ANGPTL1: variants seen among roughly 807,000 people sequenced by gnomAD.
ANGPTL1 encodes the protein angiopoietin-related protein 1.
Under a neutral mutation model 46.7 loss-of-function variants are expected in ANGPTL1, and 36 were observed. That is an observed-to-expected ratio of 0.77 (90% CI 0.59 to 1.02). The LOEUF (loss-of-function observed/expected upper bound fraction) is 1.02, where lower values mean the gene tolerates loss of function less well. ANGPTL1 is among the 50% of genes least tolerant of loss of function. ANGPTL1 has a pLI of 0.00. For synonymous variants in ANGPTL1, 221 were observed against 204.3 expected (o/e 1.08, Z -0.69); for missense variants, 571 against 594.7 (o/e 0.96, Z 0.41).
At chr1:178,863,255 G>A (rs1011629279) in intron 3 of ANGPTL1, among the ~76,000 whole-genome samples, 3 of 152,124 alleles carry the variant, frequency 2.0e-5, no homozygotes, top group East Asian at 3.8e-4. Flanking sequence ...GGGCAGCTGG[G>A]GAAGTATCAA....
rs202098083 is a variant in ANGPTL1, at chr1:178,852,817, C to G, written c.1154G>C (p.Ser385Thr). 1.2e-4 allele frequency: 189 copies of G among 1,613,824 alleles called. 2 individuals are homozygous for G. The highest frequency in any genetic ancestry group is 8.5e-4 in the South Asian group (77 of 91,078). The change falls in exon 5 of 6, where the codon AGC becomes ACC. Residue 385 changes from serine (S) to threonine (T), a missense_variant. Transcript: ENST00000234816. ...SDKKVYAEYSSFRLEPESEFY... is the reference protein window; with the variant it reads ...SDKKVYAEYSTFRLEPESEFY... ...TTCACTTTCAGGTTCCAGACGAAAG[C>G]TGCTGTATTCTGCATAGACTTTTTT...
rs796531797 is a variant in ANGPTL1, at chr1:178,849,957, G to A, written c.*1172C>T. The A allele has an allele frequency of 7.2e-5, 11 of 152,654 alleles. No homozygotes were observed. The highest frequency in any genetic ancestry group is 2.6e-4 in the African/African-American group (11 of 41,584). 9.5% of individuals were successfully genotyped at this position (152,654 alleles called of 1,614,324 possible). ...TAAGGCAAGGTCACCTCTAAGCAGT[G>A]AATATGTATTCCTGAAAGGAAATTG... On this transcript the variant is annotated 3_prime_UTR_variant, in exon 6 of 6. Coordinates refer to ENST00000234816, the MANE Select transcript of ANGPTL1 (RefSeq NM_004673.4).
chr1:178,853,485 G>T, intron 4 of ANGPTL1, 109 bp downstream of exon 4: 2 of 953,268 alleles, frequency 2.1e-6, no homozygotes, highest in Middle Eastern at 5.7e-4. Flanking sequence ...AAAACATATG[G>T]ATAGTTATTT....
At chr1:178,855,183 G>A (rs1299353649) in intron 3 of ANGPTL1, among the ~76,000 whole-genome samples, 1 of 151,924 alleles carries the variant, frequency 6.6e-6, no homozygotes, top group Non-Finnish European at 1.5e-5. Context: ...TATTCCTTTT[G>A]GGTCTTACTG....
intron 3 of ANGPTL1, among the ~76,000 whole-genome samples, chr1:178,856,986 A>G (rs1657630719): frequency 6.6e-6 from 1 of 152,176 alleles, no homozygotes; most frequent in Non-Finnish European, 1.5e-5. Flanking sequence ...CTGTTTTGCT[A>G]CCACTATTCT....
At position 178,865,265 on chromosome 1, in the gene ANGPTL1, C is replaced by A. The variant is rs752868417; in HGVS notation, c.512G>T (p.Arg171Ile). 6.2e-7 allele frequency: 1 copy of A among 1,614,096 alleles called. No individual in the cohort carries two copies. Among genetic ancestry groups the A allele is most frequent in the South Asian group, 1.1e-5 (1 of 91,068 alleles). The change falls in exon 3 of 6, where the codon AGA (arginine) becomes ATA (isoleucine). Residue 171 changes from arginine (R) to isoleucine (I), a missense_variant. Coordinates refer to ENST00000234816, the MANE Select transcript of ANGPTL1 (RefSeq NM_004673.4). The stretch of plus-strand genomic sequence containing the variant: ...GTATTTCACCTCTAGTTCCCTGTAT[C>A]TTGTTGCCATCTTCAACATTTCTGT... ...VTTEMLKMAT[R>I]YRELEVKYAS...
chr1:178,853,249 C>G, intron 4 of ANGPTL1: 1 of 972,608 alleles, frequency 1.0e-6, no homozygotes, highest in Non-Finnish European at 1.2e-6. Flanking sequence ...AAAATATTAG[C>G]TAGTATACTA....
intron 3 of ANGPTL1, among the ~76,000 whole-genome samples, chr1:178,855,088 TAAC>T (rs1657439512): frequency 6.6e-6 from 1 of 152,134 alleles, no homozygotes; most frequent in Non-Finnish European, 1.5e-5. Flanking sequence ...GTAAAGTTCT[TAAC>T]AAGAATTTCT....
intron 2 of ANGPTL1, among the ~76,000 whole-genome samples, chr1:178,867,176 A>G (rs1658467809): frequency 6.6e-6 from 1 of 152,108 alleles, no homozygotes; most frequent in African/African-American, 2.4e-5. Context: ...ACAGTAATTA[A>G]TATTTATTGA....
chr1:178,856,202 G>GATATATATATAT (rs55797277), intron 3 of ANGPTL1, among the ~76,000 whole-genome samples: 91 of 83,872 alleles, frequency 1.1e-3, no homozygotes, highest in African/African-American at 4.8e-3. Context: ...GAGAGAGAGA[G>GATATATATATAT]ATATATATAT....
At chr1:178,861,454 T>C (rs1467948415) in intron 3 of ANGPTL1, among the ~76,000 whole-genome samples, 2 of 152,136 alleles carry the variant, frequency 1.3e-5, no homozygotes, top group South Asian at 2.1e-4. Flanking sequence ...TCGTGGGTTT[T>C]TTTTTTTGTA....
chr1:178,851,833 A>G (rs1652992902), intron 5 of ANGPTL1, among the ~76,000 whole-genome samples: 1 of 152,144 alleles, frequency 6.6e-6, no homozygotes, highest in African/African-American at 2.4e-5. Context: ...CTGTTTGCCA[A>G]AATACAGCTG....
At chr1:178,854,594 G>C (rs1657405487) in intron 3 of ANGPTL1, among the ~76,000 whole-genome samples, 1 of 152,028 alleles carries the variant, frequency 6.6e-6, no homozygotes, top group Admixed American at 6.6e-5. Flanking sequence ...ATGACTAATA[G>C]TAATTTTCTC....
chr1:178,854,828 T>C (rs1657421245), intron 3 of ANGPTL1, among the ~76,000 whole-genome samples: 1 of 152,196 alleles, frequency 6.6e-6, no homozygotes, highest in African/African-American at 2.4e-5. Flanking sequence ...TCTTCAAATT[T>C]TACAAGTGAC....
At chr1:178,859,417 T>C (rs1657807914) in intron 3 of ANGPTL1, among the ~76,000 whole-genome samples, 1 of 148,616 alleles carries the variant, frequency 6.7e-6, no homozygotes, top group East Asian at 1.9e-4. Context: ...TTTTTTTTTT[T>C]TTTTTGAGAC....
In ANGPTL1 at chr1:178,865,017, C is replaced by G; in HGVS notation, c.760G>C (p.Asp254His). Reference protein sequence around the residue: ...GYPRDLMPPPDLATSPTKSPF... With the variant: ...GYPRDLMPPPHLATSPTKSPF... Reference sequence around the variant, plus strand: ...CTTTTGGTGGGAGAAGTTGCCAGATCAGGTGGTGGCATTAAATCTCTGGGA... The same window carrying G: ...CTTTTGGTGGGAGAAGTTGCCAGATGAGGTGGTGGCATTAAATCTCTGGGA... Residue 254 changes from aspartate to histidine, a missense_variant, in exon 3 of 6, where the codon GAT becomes CAT. Asp to His is a moderately conservative substitution (Grantham distance 81). Coordinates refer to ENST00000234816, the MANE Select transcript of ANGPTL1 (RefSeq NM_004673.4). 5.4e-6 allele frequency: 8 copies of G among 1,477,878 alleles called. No homozygotes were observed. The highest frequency in any genetic ancestry group is 7.2e-6 in the Non-Finnish European group (8 of 1,114,308). The allele number at this position is 1,477,878 out of a possible 1,614,324, so 91.5% of individuals were successfully genotyped here. A position where few individuals can be genotyped will look rare whatever the true frequency, so the allele number is the denominator to read the frequency against.
rs775379627 is a variant in ANGPTL1, at chr1:178,865,581, C to T, written c.196G>A (p.Val66Ile). The T allele has an allele frequency of 6.2e-7, 1 of 1,614,094 alleles. No homozygotes were observed. Among genetic ancestry groups the T allele is most frequent in the Admixed American group, 1.7e-5 (1 of 60,002 alleles). The change falls in exon 3 of 6, where the codon GTC (valine) becomes ATC (isoleucine). Residue 66 changes from valine to isoleucine, a missense_variant. Physicochemically the swap from Val to Ile is conservative, Grantham distance 29. Coordinates refer to ENST00000234816, the MANE Select transcript of ANGPTL1 (RefSeq NM_004673.4). The stretch of plus-strand genomic sequence containing the variant: ...CTTGCATCTTGCCCCTTGGTGTTGA[C>T]ACAGATTGGCCCTGTTATTCTTTGT... Reference protein sequence around the residue: ...PEQRITGPICVNTKGQDASTI... With the variant: ...PEQRITGPICINTKGQDASTI...
At position 178,865,528 on chromosome 1, in the gene ANGPTL1, C is replaced by T. The variant is rs896828505; in HGVS notation, c.249G>A (p.Met83Ile). ...ASTIKDMITRMDLENLKDVLS... is the reference protein window; with the variant it reads ...ASTIKDMITRIDLENLKDVLS... ...GCACATCCTTCAGGTTTTCAAGGTC[C>T]ATCCTGGTGATCATGTCTTTAATGG... The change falls in exon 3 of 6, where the codon ATG (methionine) becomes ATA (isoleucine). Residue 83 changes from methionine (M) to isoleucine (I), a missense_variant. Physicochemically the swap from Met to Ile is conservative, Grantham distance 10. Transcript: ENST00000234816. 3.1e-6 allele frequency: 5 copies of T among 1,614,020 alleles called. No individual in the cohort carries two copies. The highest frequency in any genetic ancestry group is 4.2e-6 in the Non-Finnish European group (5 of 1,180,018).
At chr1:178,853,835 G>T in intron 3 of ANGPTL1, 48 bp from the exon 4 acceptor site, 1 of 1,429,524 alleles carries the variant, frequency 7.0e-7, no homozygotes, top group East Asian at 2.5e-5. Flanking sequence ...TATGAGAAGA[G>T]ACATGTTAAA....
Sources: gnomAD v4.1 joint callset for allele counts (sites outside exome capture counted in the v4.1 genomes callset) on GRCh38, gnomAD v4.1.1 for gene constraint, MANE v1.5 for transcripts, NCBI Gene and HGNC (gene_info 2026-07-23, HGNC 2026-07-21) for gene names.